Variants in USP13 observed in about 807,000 individuals in gnomAD.
USP13 encodes ubiquitin specific peptidase 13, also known as ubiquitin carboxyl-terminal hydrolase 13.
In USP13, 68 loss-of-function variants were observed where a neutral mutation model predicts 107.8. The observed-to-expected ratio is 0.63, with a 90% CI of 0.52 to 0.77. The LOEUF is 0.77. USP13 is among the 30% of genes least tolerant of loss of function. The pLI is 0.00. For missense variants in USP13, 945 were observed against 1,093.3 expected, an observed-to-expected ratio of 0.86 and a Z score of 1.91; for synonymous variants, 377 against 389.5, an observed-to-expected ratio of 0.97 and a Z score of 0.38.
intron 1 of USP13, among the ~76,000 whole-genome samples, chr3:179,659,544 G>A (rs1720395524): frequency 6.6e-6 from 1 of 152,078 alleles, no homozygotes; most frequent in African/African-American, 2.4e-5. Context: ...CACTTACTAG[G>A]TGCCATGCAT....
Position 179,653,686 on chromosome 3 carries a change from G to T in USP13, c.168+293G>T. 2.6e-6 allele frequency: 1 copy of T among 383,936 alleles called. No homozygotes were observed. The highest frequency in any genetic ancestry group is 7.6e-4 in the Middle Eastern group (1 of 1,324). The allele number at this position is 383,936 out of a possible 1,614,324, so 23.8% of individuals were successfully genotyped here. A position where few individuals can be genotyped will look rare whatever the true frequency, so the allele number is the denominator to read the frequency against. On this transcript the variant is annotated intron_variant, in intron 1 of 20. Transcript: ENST00000263966. This position sits in a 1 kb window ranked among gnomAD's most constrained non-coding sequence, Gnocchi z 4.0. ...GTTTAAAGATAGATGAAATACAAGA[G>T]TTCCCTGTTCCGAACTGCACGTTGC...
intron 20 of USP13, 90 bp downstream of exon 20, chr3:179,781,913 C>A: frequency 8.5e-7 from 1 of 1,181,662 alleles, no homozygotes; most frequent in Non-Finnish European, 1.2e-6. Context: ...TGTATGTTAT[C>A]TTATTTGGTT....
rs138469673 is a variant in USP13, at chr3:179,771,207, G to A, written c.2413+5359G>A. ...CCTAATGGCACAAGATGGCTGCAGC[G>A]CCTCCCACAACTATATCTTTCCAGG... is the stretch of plus-strand genomic sequence containing the variant. On this transcript the variant is annotated intron_variant, in intron 19 of 20. Transcript: ENST00000263966. 6.2e-3 allele frequency among the ~76,000 whole-genome samples: 950 copies of A among 152,166 alleles called. 8 individuals are homozygous for A. Among genetic ancestry groups the A allele is most frequent in the Middle Eastern group, 0.017 (5 of 294 alleles).
intron 8 of USP13, among the ~76,000 whole-genome samples, chr3:179,725,303 T>A (rs942609222): frequency 6.6e-6 from 1 of 152,202 alleles, no homozygotes; most frequent in Non-Finnish European, 1.5e-5. Flanking sequence ...AGTGAGTTTT[T>A]TTTTGTCTTG....
Position 179,784,276 on chromosome 3 carries a change from G to A in USP13, c.*135G>A, listed in dbSNP as rs1231629683. The A allele has an allele frequency of 3.0e-6, 2 of 658,954 alleles. No homozygotes were observed. Among genetic ancestry groups the A allele is most frequent in the East Asian group, 2.7e-5 (1 of 36,642 alleles). 40.8% of individuals were successfully genotyped at this position (658,954 alleles called of 1,614,324 possible). ...TATTTATCGTTTATTTAAAGAGCAC[G>A]ATCAGTTGACACCTTCTGAAATAGA... On this transcript the variant is annotated 3_prime_UTR_variant, in exon 21 of 21. Coordinates refer to ENST00000263966, the MANE Select transcript of USP13 (RefSeq NM_003940.3).
At chr3:179,657,139 C>T (rs1720289440) in intron 1 of USP13, among the ~76,000 whole-genome samples, 1 of 152,210 alleles carries the variant, frequency 6.6e-6, no homozygotes, top group Non-Finnish European at 1.5e-5. Context: ...AACAACCTAT[C>T]TCAAAAGGTT....
intron 4 of USP13, among the ~76,000 whole-genome samples, chr3:179,702,774 G>T (rs1349381749): frequency 6.6e-6 from 1 of 152,162 alleles, no homozygotes; most frequent in Non-Finnish European, 1.5e-5. Flanking sequence ...CTGTTACCAA[G>T]GATAAAATAT....
intron 6 of USP13, among the ~76,000 whole-genome samples, chr3:179,718,969 A>T (rs1255234162): frequency 9.9e-5 from 15 of 151,992 alleles, no homozygotes; most frequent in Admixed American, 9.8e-4. Context: ...GTTAGCCAGG[A>T]TCATCTGGAT....
chr3:179,655,311 T>A (rs1189446603), intron 1 of USP13, among the ~76,000 whole-genome samples: 1 of 152,190 alleles, frequency 6.6e-6, no homozygotes, highest in East Asian at 1.9e-4. Context: ...TTGTTTTAAT[T>A]CATTTCCACA....
chr3:179,690,666 G>C (rs940216823), intron 3 of USP13, among the ~76,000 whole-genome samples: 1 of 152,118 alleles, frequency 6.6e-6, no homozygotes, highest in Non-Finnish European at 1.5e-5. Flanking sequence ...TGCGCCTCCC[G>C]GGCTCAAGCC....
chr3:179,748,140 C>G (rs548864391), intron 13 of USP13, among the ~76,000 whole-genome samples: 1 of 152,296 alleles, frequency 6.6e-6, no homozygotes, highest in South Asian at 2.1e-4. Flanking sequence ...AGGTAGGTCC[C>G]ATTATTTTCT....
chr3:179,723,997 T>TAA (rs398040150), intron 8 of USP13, among the ~76,000 whole-genome samples: 42 of 140,746 alleles, frequency 3.0e-4, no homozygotes, highest in African/African-American at 1.1e-3. Context: ...TACAAAAATT[T>TAA]AAAAAAAAAA....
chr3:179,783,131 A>T (rs1715804939), intron 20 of USP13, among the ~76,000 whole-genome samples: 1 of 152,238 alleles, frequency 6.6e-6, no homozygotes, highest in Non-Finnish European at 1.5e-5. Context: ...CAAAGAAAAT[A>T]AAATAAAAAT....
intron 6 of USP13, among the ~76,000 whole-genome samples, chr3:179,718,850 G>A (rs548366211): frequency 6.6e-6 from 1 of 152,086 alleles, no homozygotes; most frequent in African/African-American, 2.4e-5. Flanking sequence ...TTCGCCTCCT[G>A]GGTTCACGCC....
intron 8 of USP13, among the ~76,000 whole-genome samples, chr3:179,729,932 G>T (rs895455950): frequency 6.6e-6 from 1 of 152,172 alleles, no homozygotes; most frequent in Non-Finnish European, 1.5e-5. Context: ...GGGTGCTTCT[G>T]GTTTTGATAT....
In USP13 at chr3:179,777,578, G is replaced by C. The variant is rs142607918; in HGVS notation, c.2414-4161G>C. ...AGCAATTCTCCCACCTCCGTCTCCC[G>C]AGTAGCTGCGACTACAGGTGCACGC... is the stretch of plus-strand genomic sequence containing the variant. On this transcript the variant is annotated intron_variant, in intron 19 of 20. Transcript: ENST00000263966. Among the ~76,000 whole-genome samples, 741 of 151,026 alleles carry C rather than the reference G, an allele frequency of 4.9e-3. 5 individuals are homozygous for C. The Middle Eastern group carries it at 0.059, about 12-fold the overall frequency.
chr3:179,706,585 C>T (rs1187533060), intron 4 of USP13, among the ~76,000 whole-genome samples: 1 of 152,222 alleles, frequency 6.6e-6, no homozygotes, highest in Non-Finnish European at 1.5e-5. Context: ...TGGGTAAATC[C>T]TGGGCATTCC....
At chr3:179,671,114 G>A (rs1174248772) in intron 1 of USP13, among the ~76,000 whole-genome samples, 1 of 152,100 alleles carries the variant, frequency 6.6e-6, no homozygotes, top group African/African-American at 2.4e-5. Flanking sequence ...TTAACCAGGT[G>A]TGGTGGTGGG....
chr3:179,714,644 T>C (rs1713043326), intron 6 of USP13, among the ~76,000 whole-genome samples: 1 of 152,152 alleles, frequency 6.6e-6, no homozygotes, highest in Non-Finnish European at 1.5e-5. Flanking sequence ...CTGCTTCTAT[T>C]TGGGAGGCTG....
Sources: gnomAD v4.1 joint callset for allele counts (sites outside exome capture counted in the v4.1 genomes callset) on GRCh38, gnomAD v4.1.1 for gene constraint, Gnocchi (gnomAD v3.1) non-coding constraint, MANE v1.5 for transcripts, NCBI Gene and HGNC (gene_info 2026-07-23, HGNC 2026-07-21) for gene names.